The following SV2B variants were observed in gnomAD, a reference collection of about 807,000 sequenced individuals.
SV2B encodes solute carrier family 22 member B2.
Under a neutral mutation model 73.9 loss-of-function variants are expected in SV2B, and 41 were observed. The observed-to-expected ratio is 0.56, with a 90% CI of 0.43 to 0.72. The LOEUF (loss-of-function observed/expected upper bound fraction) is 0.72, where lower values mean the gene tolerates loss of function less well. Among genes scored for constraint, SV2B ranks in the 30% least tolerant of loss-of-function variants. The pLI is 0.00. For missense variants in SV2B, 764 were observed against 857.8 expected, an observed-to-expected ratio of 0.89 and a Z score of 1.37; for synonymous variants, 314 against 314.2, an observed-to-expected ratio of 1.00 and a Z score of 0.01.
At chr15:91,277,095 T>A (rs904630620) in intron 9 of SV2B, among the ~76,000 whole-genome samples, 1 of 152,204 alleles carries the variant, frequency 6.6e-6, no homozygotes, top group Non-Finnish European at 1.5e-5. Flanking sequence ...TGAGTATTAT[T>A]TTTTAAGTGA....
intron 4 of SV2B, among the ~76,000 whole-genome samples, chr15:91,257,833 C>T (rs1424456643): frequency 6.6e-6 from 1 of 152,146 alleles, no homozygotes; most frequent in Non-Finnish European, 1.5e-5. Flanking sequence ...GCTCAGGACC[C>T]AGGAATTCCC....
At chr15:91,190,022 C>T (rs1438393738) in intron 1 of SV2B, among the ~76,000 whole-genome samples, 1 of 151,912 alleles carries the variant, frequency 6.6e-6, no homozygotes, top group East Asian at 1.9e-4. Flanking sequence ...AGAAAAATTC[C>T]TTGATATTTT....
rs1347398398 is a variant in SV2B, at chr15:91,267,378, G to T, written c.1120-177G>T. On this transcript the variant is annotated intron_variant, in intron 7 of 12. Coordinates refer to ENST00000394232, the MANE Select transcript of SV2B (RefSeq NM_001323032.3). The surrounding 1 kb of genome is among the most constrained non-coding windows in gnomAD (Gnocchi z 4.3). Reference sequence around the variant, plus strand: ...AGTATGAGGCCAGCCAGTAGGAAGAGAAGAGGCTTTCCTTGTTATTTGGAC... The same window carrying T: ...AGTATGAGGCCAGCCAGTAGGAAGATAAGAGGCTTTCCTTGTTATTTGGAC... 6.6e-6 allele frequency among the ~76,000 whole-genome samples: 1 copy of T among 152,226 alleles called. No individual in the cohort carries two copies. The highest frequency in any genetic ancestry group is 1.5e-5 in the Non-Finnish European group (1 of 68,036).
intron 1 of SV2B, among the ~76,000 whole-genome samples, chr15:91,210,898 T>C (rs1463834659): frequency 6.6e-6 from 1 of 152,210 alleles, no homozygotes; most frequent in Non-Finnish European, 1.5e-5. Context: ...GTACGGGACA[T>C]GAGGGCAGGA....
At chr15:91,162,823 A>T (rs1324415955) in intron 1 of SV2B, among the ~76,000 whole-genome samples, 1 of 152,166 alleles carries the variant, frequency 6.6e-6, no homozygotes, top group Non-Finnish European at 1.5e-5. Context: ...CACAATGTGC[A>T]GGTTTGTTAC....
chr15:91,203,848 C>T (rs1470704401), intron 1 of SV2B, among the ~76,000 whole-genome samples: 1 of 152,172 alleles, frequency 6.6e-6, no homozygotes, highest in African/African-American at 2.4e-5. Flanking sequence ...CCTCCCCTCT[C>T]CCCCTCTCTC....
chr15:91,278,628 G>A (rs1596772737), intron 9 of SV2B, among the ~76,000 whole-genome samples: 1 of 111,548 alleles, frequency 9.0e-6, no homozygotes, highest in African/African-American at 4.7e-5. Context: ...GCAGTGAGCC[G>A]AGATTGCGCC....
At chr15:91,238,427 A>C (rs1034786252) in intron 2 of SV2B, among the ~76,000 whole-genome samples, 1 of 152,242 alleles carries the variant, frequency 6.6e-6, no homozygotes, top group African/African-American at 2.4e-5. Context: ...GATTTCAAAA[A>C]TCCAGTTATA....
At chr15:91,210,993 T>C (rs1250715437) in intron 1 of SV2B, among the ~76,000 whole-genome samples, 1 of 152,204 alleles carries the variant, frequency 6.6e-6, no homozygotes, top group Non-Finnish European at 1.5e-5. Context: ...GAGGAATCAA[T>C]GCCTGCCATT....
intron 1 of SV2B, among the ~76,000 whole-genome samples, chr15:91,210,994 G>A (rs932324429): frequency 2.0e-5 from 3 of 152,236 alleles, no homozygotes; most frequent in Non-Finnish European, 4.4e-5. Flanking sequence ...AGGAATCAAT[G>A]CCTGCCATTG....
chr15:91,198,002 T>C (rs1260454569), intron 1 of SV2B, among the ~76,000 whole-genome samples: 1 of 152,168 alleles, frequency 6.6e-6, no homozygotes, highest in Non-Finnish European at 1.5e-5. Flanking sequence ...GCCATTACAC[T>C]ACAGCCTGGG....
intron 1 of SV2B, among the ~76,000 whole-genome samples, chr15:91,216,069 A>G (rs2046014494): frequency 6.6e-6 from 1 of 152,188 alleles, no homozygotes; most frequent in Non-Finnish European, 1.5e-5. Context: ...GATTCAGCTT[A>G]GAAGAAAGAA....
At chr15:91,127,134 A>G (rs2042507166) in intron 1 of SV2B, among the ~76,000 whole-genome samples, 1 of 152,212 alleles carries the variant, frequency 6.6e-6, no homozygotes, top group Admixed American at 6.5e-5. Flanking sequence ...TTATACCTAC[A>G]TTGCAGGTCT....
At chr15:91,126,779 G>A (rs767229531) in intron 1 of SV2B, among the ~76,000 whole-genome samples, 3 of 152,158 alleles carry the variant, frequency 2.0e-5, no homozygotes, top group Non-Finnish European at 2.9e-5. Context: ...TTAATAGACA[G>A]AAAAACATTT....
chr15:91,175,264 T>C (rs2044261669), intron 1 of SV2B, among the ~76,000 whole-genome samples: 1 of 152,070 alleles, frequency 6.6e-6, no homozygotes, highest in Non-Finnish European at 1.5e-5. Flanking sequence ...TTTTTTCTTT[T>C]TTTTTTTTGA....
chr15:91,134,873 T>A (rs1250333595), intron 1 of SV2B, among the ~76,000 whole-genome samples: 1 of 152,230 alleles, frequency 6.6e-6, no homozygotes, highest in Non-Finnish European at 1.5e-5. Flanking sequence ...CCACCTATTT[T>A]CTCAGCCTAC....
At chr15:91,262,416 G>A (rs2047941399) in intron 6 of SV2B, among the ~76,000 whole-genome samples, 1 of 152,054 alleles carries the variant, frequency 6.6e-6, no homozygotes, top group Non-Finnish European at 1.5e-5. Context: ...CAATTCTAAT[G>A]CTTCTAAAAT....
At chr15:91,161,691 C>G (rs1002331554) in intron 1 of SV2B, among the ~76,000 whole-genome samples, 20 of 152,124 alleles carry the variant, frequency 1.3e-4, no homozygotes, top group African/African-American at 4.8e-4. Context: ...CAGGTCATAG[C>G]GCTAAGTGGC....
rs1375966219 is a variant in SV2B at position 91,253,680 on chromosome 15, T to C, written c.784+1160T>C. On this transcript the variant is annotated intron_variant, in intron 4 of 12. Transcript: ENST00000394232. This position sits in a 1 kb window ranked among gnomAD's most constrained non-coding sequence, Gnocchi z 5.0. ...CATTCTGTCATCTTCAACCTACAGC[T>C]TACAAGGTCTCCGGTTTGGGGAAAG... is the stretch of plus-strand genomic sequence containing the variant. Among the ~76,000 whole-genome samples the C allele has an allele frequency of 6.6e-6, 1 of 152,234 alleles. No individual in the cohort carries two copies. The highest frequency in any genetic ancestry group is 2.4e-5 in the African/African-American group (1 of 41,460).
Sources: gnomAD v4.1 joint callset for allele counts (sites outside exome capture counted in the v4.1 genomes callset) on GRCh38, gnomAD v4.1.1 for gene constraint, Gnocchi (gnomAD v3.1) non-coding constraint, MANE v1.5 for transcripts, NCBI Gene and HGNC (gene_info 2026-07-23, HGNC 2026-07-21) for gene names.